ARID4B: variants seen among roughly 807,000 people sequenced by gnomAD.
ARID4B encodes AT-rich interactive domain-containing protein 4B.
Under a neutral mutation model 147.5 loss-of-function variants are expected in ARID4B, and 26 were observed. That is an observed-to-expected ratio of 0.18 (90% CI 0.13 to 0.24). The LOEUF (loss-of-function observed/expected upper bound fraction) is 0.24. Among genes scored for constraint, ARID4B ranks in the 10% least tolerant of loss-of-function variants. The pLI, the probability that ARID4B is intolerant of heterozygous loss-of-function variation, is 1.00. For synonymous variants in ARID4B, 512 were observed against 507.9 expected, an observed-to-expected ratio of 1.01 and a Z score of -0.11; for missense variants, 1,179 against 1,511.5, an observed-to-expected ratio of 0.78 and a Z score of 3.65.
At chr1:235,288,730 T>C (rs1672141744) in intron 2 of ARID4B, among the ~76,000 whole-genome samples, 1 of 152,166 alleles carries the variant, frequency 6.6e-6, no homozygotes, top group Non-Finnish European at 1.5e-5. Flanking sequence ...TCTGGGTAGG[T>C]ATCAAAAGGG....
At chr1:235,234,382 T>C (rs1307335505) in intron 9 of ARID4B, 31 bp downstream of exon 9, 3 of 1,391,428 alleles carry the variant, frequency 2.2e-6, no homozygotes, top group Non-Finnish European at 3.0e-6. Flanking sequence ...ATTTATAAAC[T>C]GGTTTTTCAA....
At chr1:235,200,286 G>A (rs1383995847) in intron 17 of ARID4B, among the ~76,000 whole-genome samples, 6 of 152,056 alleles carry the variant, frequency 3.9e-5, no homozygotes, top group South Asian at 4.1e-4. Flanking sequence ...TGGTGAAACC[G>A]TGTCTCTACT....
chr1:235,178,740 A>T (rs1664063563), intron 20 of ARID4B, among the ~76,000 whole-genome samples: 1 of 152,148 alleles, frequency 6.6e-6, no homozygotes. Context: ...AGACTAATAA[A>T]GTACTATCTC....
chr1:235,168,590 A>G lies in ARID4B; in HGVS notation c.3874T>C (p.Leu1292=). The change falls in exon 24 of 24, where the codon TTA becomes CTA. Residue 1292 remains leucine (L), a synonymous_variant. Transcript: ENST00000264183. ...SSSSITAAVM[L]TLAEPSMSSA... ...GACATTGACGGTTCAGCTAAAGTTAACATAACAGCAGCTGTTATGGAACTG... is the reference window on the plus strand; with the variant it reads ...GACATTGACGGTTCAGCTAAAGTTAGCATAACAGCAGCTGTTATGGAACTG... 1.2e-6 allele frequency: 2 copies of G among 1,614,118 alleles called. No homozygotes were observed. The highest frequency in any genetic ancestry group is 1.7e-6 in the Non-Finnish European group (2 of 1,179,984).
At chr1:235,266,997 G>T (rs1378148456) in intron 2 of ARID4B, among the ~76,000 whole-genome samples, 5 of 152,214 alleles carry the variant, frequency 3.3e-5, no homozygotes, top group Non-Finnish European at 5.9e-5. Context: ...CCATCAGTAG[G>T]CTGGGTGCAA....
At chr1:235,252,892 G>T in intron 5 of ARID4B, 83 bp from the exon 6 acceptor site, 3 of 1,084,348 alleles carry the variant, frequency 2.8e-6, no homozygotes, top group Non-Finnish European at 1.4e-6. Flanking sequence ...TTTTCTGAGT[G>T]CAAACAGATC....
At chr1:235,258,892 T>C (rs865898320) in intron 3 of ARID4B, among the ~76,000 whole-genome samples, 21 of 152,200 alleles carry the variant, frequency 1.4e-4, no homozygotes, top group African/African-American at 4.3e-4. Context: ...TAGCACATAG[T>C]AAATGTTCAA....
intron 16 of ARID4B, among the ~76,000 whole-genome samples, chr1:235,219,590 G>A (rs1667307724): frequency 6.6e-6 from 1 of 152,132 alleles, no homozygotes; most frequent in African/African-American, 2.4e-5. Flanking sequence ...CAAGAAGGGT[G>A]GATCAAAGTA....
chr1:235,252,037 G>A (rs1435906155), intron 6 of ARID4B, among the ~76,000 whole-genome samples: 1 of 152,142 alleles, frequency 6.6e-6, no homozygotes, highest in African/African-American at 2.4e-5. Flanking sequence ...AATAATGTAT[G>A]TAAAGCACTT....
intron 19 of ARID4B, among the ~76,000 whole-genome samples, chr1:235,187,567 C>T (rs1571924639): frequency 6.6e-6 from 1 of 152,222 alleles, no homozygotes; most frequent in East Asian, 1.9e-4. Context: ...AGATTATTCT[C>T]CAGAGACATT....
At position 235,193,890 on chromosome 1, in the gene ARID4B, A is replaced by T. The variant is rs571494561; in HGVS notation, c.2125+123T>A. On this transcript the variant is annotated intron_variant, in intron 19 of 23. Transcript: ENST00000264183. Reference sequence around the variant, plus strand: ...GTTAAGAGATATTCAACCTGTAATAAGAGAGCAAACAAAACTCTGGTAGAA... The same window carrying T: ...GTTAAGAGATATTCAACCTGTAATATGAGAGCAAACAAAACTCTGGTAGAA... The T allele has an allele frequency of 2.8e-5, 19 of 668,930 alleles. No homozygotes were observed. In the South Asian group the frequency reaches 4.4e-4, roughly 16 times the overall value. The allele number at this position is 668,930 out of a possible 1,614,324, so 41.4% of individuals were successfully genotyped here. A position where few individuals can be genotyped will look rare whatever the true frequency, so the allele number is the denominator to read the frequency against.
At chr1:235,299,424 C>T (rs146463926) in intron 2 of ARID4B, among the ~76,000 whole-genome samples, 61 of 152,206 alleles carry the variant, frequency 4.0e-4, no homozygotes, top group African/African-American at 1.4e-3. Flanking sequence ...AACTCCTGAC[C>T]TTGTTATCCA....
rs869157061 is a variant in ARID4B at position 235,236,862 on chromosome 1, ATTTTTTTTTTT to A, written c.586-2381_586-2371del. ...TATATATATATATATATATATATAT[ATTTTTTTTTTT>A]TTTTTTTTTTTTTTTTGAGATAAAA... On this transcript the variant is annotated intron_variant, in intron 8 of 23. Coordinates refer to ENST00000264183, the MANE Select transcript of ARID4B (RefSeq NM_016374.6). Among the ~76,000 whole-genome samples the A allele has an allele frequency of 3.0e-3, 53 of 17,484 alleles. 1 individual carries two copies. Among genetic ancestry groups the A allele is most frequent in the African/African-American group, 0.011 (49 of 4,510 alleles). 11.5% of individuals were successfully genotyped at this position (17,484 alleles called of 152,430 possible). A position where few individuals can be genotyped will look rare whatever the true frequency, so the allele number is the denominator to read the frequency against.
intron 17 of ARID4B, among the ~76,000 whole-genome samples, chr1:235,208,716 G>C (rs1666495090): frequency 6.6e-6 from 1 of 151,854 alleles, no homozygotes; most frequent in Non-Finnish European, 1.5e-5. Flanking sequence ...ATGTTGGTCA[G>C]GCTGGTCTCG....
At chr1:235,255,470 T>G (rs1345853779) in intron 5 of ARID4B, among the ~76,000 whole-genome samples, 190 bp downstream of exon 5, 1 of 152,010 alleles carries the variant, frequency 6.6e-6, no homozygotes, top group Non-Finnish European at 1.5e-5. Context: ...TTAAATAATT[T>G]CAATTTTTGT....
At chr1:235,170,604 G>A (rs1163405815) in intron 23 of ARID4B, among the ~76,000 whole-genome samples, 3 of 152,026 alleles carry the variant, frequency 2.0e-5, no homozygotes, top group African/African-American at 7.3e-5. Context: ...CAGATGTGGT[G>A]GTGGGCGCCT....
intron 5 of ARID4B, among the ~76,000 whole-genome samples, chr1:235,255,265 A>AGATCTATC (rs1239708915): frequency 2.0e-4 from 13 of 64,582 alleles, no homozygotes; most frequent in African/African-American, 9.0e-4. Flanking sequence ...ATAGATAGAT[A>AGATCTATC]TATATCTCTC....
intron 22 of ARID4B, among the ~76,000 whole-genome samples, chr1:235,174,801 A>T (rs1663735425): frequency 6.6e-6 from 1 of 150,964 alleles, no homozygotes; most frequent in South Asian, 2.1e-4. Flanking sequence ...TGGGCGACAG[A>T]GAGACTCTGT....
intron 2 of ARID4B, among the ~76,000 whole-genome samples, chr1:235,301,719 C>CTT (rs367914492): frequency 6.9e-5 from 10 of 145,138 alleles, no homozygotes; most frequent in African/African-American, 1.3e-4. Context: ...CTAACTAATT[C>CTT]TTTTTTTTTT....
Sources: allele counts gnomAD v4.1 joint callset (sites outside exome capture counted in the v4.1 genomes callset), GRCh38; gene constraint gnomAD v4.1.1; transcripts MANE v1.5; gene names NCBI Gene and HGNC (gene_info 2026-07-23, HGNC 2026-07-21).